GDAP2: variants seen among roughly 807,000 people sequenced by gnomAD.
GDAP2 encodes the protein ganglioside-induced differentiation-associated protein 2.
In GDAP2, 51 loss-of-function variants were observed where a neutral mutation model predicts 67.0. The ratio of observed to expected loss-of-function variants is 0.76; its 90% CI spans 0.61 to 0.96. The LOEUF (loss-of-function observed/expected upper bound fraction) is 0.96, where lower values mean the gene tolerates loss of function less well. Ranked by LOEUF, GDAP2 falls within the 40% of genes least tolerant of loss-of-function variation. GDAP2 has a pLI of 0.00. For synonymous variants in GDAP2, 203 were observed against 207.3 expected (o/e 0.98, Z 0.18); for missense variants, 547 against 588.3 (o/e 0.93, Z 0.73).
intron 6 of GDAP2, among the ~76,000 whole-genome samples, chr1:117,902,293 T>C (rs1245030805): frequency 6.6e-6 from 1 of 152,228 alleles, no homozygotes; most frequent in African/African-American, 2.4e-5. Context: ...TATTTGTCTT[T>C]TGTTGAATTG....
intron 5 of GDAP2, among the ~76,000 whole-genome samples, chr1:117,910,983 A>G (rs1649835120): frequency 6.6e-6 from 1 of 152,224 alleles, no homozygotes; most frequent in Non-Finnish European, 1.5e-5. Flanking sequence ...TGCTCATCGT[A>G]GTTTATGACA....
chr1:117,928,093 G>A (rs1056094938), intron 1 of GDAP2, among the ~76,000 whole-genome samples: 4 of 151,852 alleles, frequency 2.6e-5, no homozygotes, highest in Non-Finnish European at 5.9e-5. Flanking sequence ...TTTAAGAAAA[G>A]GTAAAATCAT....
At chr1:117,885,562 T>C (rs1648823428) in intron 10 of GDAP2, among the ~76,000 whole-genome samples, 2 of 152,150 alleles carry the variant, frequency 1.3e-5, no homozygotes, top group Admixed American at 6.6e-5. Context: ...GTACCATAAT[T>C]ATCTGTGAGG....
In GDAP2 at chr1:117,870,152, T is replaced by C. The variant is rs1365497054; in HGVS notation, c.*417A>G. On this transcript the variant is annotated 3_prime_UTR_variant, in exon 14 of 14. Coordinates refer to ENST00000369443, the MANE Select transcript of GDAP2 (RefSeq NM_017686.4). ...CCATGGATCTGAAGCAAACAATGCA[T>C]CTGGTTAGCATACATTGGTTCTGTA... is the stretch of plus-strand genomic sequence containing the variant. The C allele has an allele frequency of 5.9e-6, 1 of 170,324 alleles. No individual in the cohort carries two copies. Among genetic ancestry groups the C allele is most frequent in the East Asian group, 1.8e-4 (1 of 5,636 alleles). 10.6% of individuals were successfully genotyped at this position (170,324 alleles called of 1,614,324 possible). A position where few individuals can be genotyped will look rare whatever the true frequency, so the allele number is the denominator to read the frequency against.
intron 6 of GDAP2, among the ~76,000 whole-genome samples, chr1:117,905,742 A>G (rs1649632074): frequency 6.6e-6 from 1 of 152,200 alleles, no homozygotes; most frequent in Non-Finnish European, 1.5e-5. Context: ...GTATAAATAA[A>G]CCAGATGAAA....
Position 117,863,974 on chromosome 1 carries a change from T to C in GDAP2, c.*6595A>G, listed in dbSNP as rs1451407773. The C allele has an allele frequency of 6.6e-6, 1 of 152,132 alleles. No individual in the cohort carries two copies. Among genetic ancestry groups the C allele is most frequent in the Admixed American group, 6.5e-5 (1 of 15,272 alleles). The allele number at this position is 152,132 out of a possible 1,614,324, so 9.4% of individuals were successfully genotyped here. On this transcript the variant is annotated 3_prime_UTR_variant, in exon 14 of 14. Transcript: ENST00000369443. Reference sequence around the variant, plus strand: ...TGTTGAATACACAAAAACACTGAGGTTCAGAAAAAGTTGAGAAACAGGCCC... The same window carrying C: ...TGTTGAATACACAAAAACACTGAGGCTCAGAAAAAGTTGAGAAACAGGCCC...
intron 13 of GDAP2, chr1:117,877,403 T>G: frequency 3.0e-6 from 3 of 984,280 alleles, no homozygotes; most frequent in Non-Finnish European, 3.6e-6. Flanking sequence ...GTTACTTTTT[T>G]TTTTTCAAAA....
rs1647974786 is a variant in GDAP2 at position 117,863,805 on chromosome 1, T to C, written c.*6764A>G. The C allele has an allele frequency of 6.6e-6, 1 of 152,244 alleles. No individual in the cohort carries two copies. The highest frequency in any genetic ancestry group is 6.5e-5 in the Admixed American group (1 of 15,284). The allele number at this position is 152,244 out of a possible 1,614,324, so 9.4% of individuals were successfully genotyped here. ...ATATATATAAAGAGCTTAGCAGCGT[T>C]CAAGGCACACAGTAAATCCTCAAAT... On this transcript the variant is annotated 3_prime_UTR_variant, in exon 14 of 14. Coordinates refer to ENST00000369443, the MANE Select transcript of GDAP2 (RefSeq NM_017686.4).
intron 13 of GDAP2, chr1:117,877,232 G>C: frequency 3.3e-6 from 3 of 914,370 alleles, no homozygotes; most frequent in Non-Finnish European, 3.9e-6. Context: ...TTGTGTTGCA[G>C]AATTTTTATT....
intron 13 of GDAP2, among the ~76,000 whole-genome samples, chr1:117,874,920 C>A (rs2093201): frequency 1.3e-5 from 2 of 152,000 alleles, no homozygotes; most frequent in African/African-American, 4.8e-5. Flanking sequence ...TGGTACCCTA[C>A]GGTATCTGCT....
Position 117,886,658 on chromosome 1 carries a change from A to G in GDAP2, c.1031-5T>C. ...TTCGACCACAGTTATCAACACCTAT[A>G]AACAGGAAATGTCATCAGCACCCAG... On this transcript the variant is annotated splice_polypyrimidine_tract_variant and splice_region_variant and intron_variant, in intron 9 of 13. Transcript: ENST00000369443. 2 of 1,521,358 alleles carry G rather than the reference A, an allele frequency of 1.3e-6. No homozygotes were observed. The highest frequency in any genetic ancestry group is 1.8e-6 in the Non-Finnish European group (2 of 1,095,686). The allele number at this position is 1,521,358 out of a possible 1,614,324, so 94.2% of individuals were successfully genotyped here. A position where few individuals can be genotyped will look rare whatever the true frequency, so the allele number is the denominator to read the frequency against.
At chr1:117,870,906 T>TAATG (rs1443767864) in intron 13 of GDAP2, among the ~76,000 whole-genome samples, 4 of 152,190 alleles carry the variant, frequency 2.6e-5, no homozygotes, top group Non-Finnish European at 5.9e-5. Flanking sequence ...AATCTTCACA[T>TAATG]AATGCCATGA....
chr1:117,912,032 C>G lies in GDAP2; in HGVS notation c.521G>C (p.Arg174Pro). 1 of 1,608,498 alleles carries G rather than the reference C, an allele frequency of 6.2e-7. No individual in the cohort carries two copies. Among genetic ancestry groups the G allele is most frequent in the Non-Finnish European group, 8.5e-7 (1 of 1,175,080 alleles). ...VGFCVINSAKRGYPLEDATHI... is the reference protein window; with the variant it reads ...VGFCVINSAKPGYPLEDATHI... ...TGTTGCATCCTCTAAAGGATAACCA[C>G]GTTTTGCAGAATTGATGACACAGAA... is the stretch of plus-strand genomic sequence containing the variant. Residue 174 changes from arginine to proline, a missense_variant, in exon 5 of 14, where the codon CGT becomes CCT. Arg to Pro is a moderately radical substitution (Grantham distance 103, BLOSUM62 -2). Transcript: ENST00000369443.
intron 13 of GDAP2, among the ~76,000 whole-genome samples, chr1:117,876,650 T>C (rs775719607): frequency 2.0e-5 from 3 of 152,162 alleles, no homozygotes; most frequent in Admixed American, 1.3e-4. Context: ...CTTGTATTTA[T>C]ACAAAAATAA....
At chr1:117,926,578 G>A (rs761628374) in intron 1 of GDAP2, among the ~76,000 whole-genome samples, 1 of 152,240 alleles carries the variant, frequency 6.6e-6, no homozygotes. Flanking sequence ...ACCAAAAAGA[G>A]GTTTGAATCT....
At chr1:117,883,655 A>C in intron 10 of GDAP2, 28 bp from the exon 11 acceptor site, 3 of 1,558,424 alleles carry the variant, frequency 1.9e-6, no homozygotes. Flanking sequence ...AATAAAGGTG[A>C]AGATCATTTT....
intron 13 of GDAP2, among the ~76,000 whole-genome samples, chr1:117,874,594 G>T (rs1648392951): frequency 6.6e-6 from 1 of 152,150 alleles, no homozygotes; most frequent in South Asian, 2.1e-4. Context: ...ACTGAGGGGT[G>T]GGGTGTTGCT....
chr1:117,866,120 T>C lies in GDAP2; in HGVS notation c.*4449A>G, dbSNP rs1648052298. The C allele has an allele frequency of 6.6e-6, 1 of 152,238 alleles. No homozygotes were observed. The highest frequency in any genetic ancestry group is 2.4e-5 in the African/African-American group (1 of 41,466). 9.4% of individuals were successfully genotyped at this position (152,238 alleles called of 1,614,324 possible). A position where few individuals can be genotyped will look rare whatever the true frequency, so the allele number is the denominator to read the frequency against. On this transcript the variant is annotated 3_prime_UTR_variant, in exon 14 of 14. Coordinates refer to ENST00000369443, the MANE Select transcript of GDAP2 (RefSeq NM_017686.4). The stretch of plus-strand genomic sequence containing the variant: ...GTTCTCCTCCTCGTCTGCAAATTCA[T>C]ATGTTGAAGCCCTAACATACAAAGT...
rs1468511584 is a variant in GDAP2 at position 117,863,522 on chromosome 1, T to G, written c.*7047A>C. The G allele has an allele frequency of 6.6e-6, 1 of 152,250 alleles. No individual in the cohort carries two copies. 9.4% of individuals were successfully genotyped at this position (152,250 alleles called of 1,614,324 possible). A position where few individuals can be genotyped will look rare whatever the true frequency, so the allele number is the denominator to read the frequency against. ...TCCTTTACTGTAGCACAATCTGGCA[T>G]GACTGCCTTTAAATGAAATCTGTAT... On this transcript the variant is annotated 3_prime_UTR_variant, in exon 14 of 14. Coordinates refer to ENST00000369443, the MANE Select transcript of GDAP2 (RefSeq NM_017686.4).
Sources: gnomAD v4.1 joint callset for allele counts (sites outside exome capture counted in the v4.1 genomes callset) on GRCh38, gnomAD v4.1.1 for gene constraint, MANE v1.5 for transcripts, NCBI Gene and HGNC (gene_info 2026-07-23, HGNC 2026-07-21) for gene names.